The following PMM2 variants were observed in gnomAD, a reference collection of about 807,000 sequenced individuals.
PMM2 encodes the protein mannose-6-phosphate isomerase.
Under a neutral mutation model 33.2 loss-of-function variants are expected in PMM2, and 35 were observed. The observed-to-expected ratio is 1.06, with a 90% CI of 0.81 to 1.40. PMM2 has a LOEUF of 1.40. PMM2 is among the 40% of genes most tolerant of loss of function. The pLI, the probability that PMM2 is intolerant of heterozygous loss-of-function variation, is 0.00. For synonymous variants in PMM2, 153 were observed against 114.7 expected (o/e 1.33, Z -2.13); for missense variants, 386 against 306.0 (o/e 1.26, Z -1.95).
intron 5 of PMM2, 144 bp from the exon 6 acceptor site, chr16:8,811,494 T>C: frequency 1.4e-6 from 1 of 691,244 alleles, no homozygotes; most frequent in Admixed American, 2.1e-5. Context: ...CGCTCCAGCC[T>C]GGGCAACAGA....
chr16:8,843,188 G>A (rs1361488509), intron 7 of PMM2, among the ~76,000 whole-genome samples: 1 of 152,146 alleles, frequency 6.6e-6, no homozygotes, highest in African/African-American at 2.4e-5. Flanking sequence ...ACCCACAACA[G>A]TTATGGAGGC....
At chr16:8,815,216 TTC>T (rs1157419112) in intron 7 of PMM2, among the ~76,000 whole-genome samples, 2 of 128,626 alleles carry the variant, frequency 1.6e-5, no homozygotes, top group East Asian at 5.1e-4. Context: ...TATATTTTCT[TTC>T]TTTTTTTTTT....
intron 2 of PMM2, among the ~76,000 whole-genome samples, chr16:8,804,184 G>A (rs1362242721): frequency 6.0e-5 from 9 of 151,054 alleles, no homozygotes; most frequent in African/African-American, 1.5e-4. Flanking sequence ...GGTTACAGGC[G>A]CACACCACCA....
chr16:8,836,767 G>C (rs1036645505), intron 7 of PMM2, among the ~76,000 whole-genome samples: 2 of 152,036 alleles, frequency 1.3e-5, no homozygotes, highest in Non-Finnish European at 2.9e-5. Flanking sequence ...GTCTAGGGCT[G>C]TAAAGCGTGT....
At chr16:8,842,095 T>C (rs1358400701) in intron 7 of PMM2, 1 of 150,364 alleles carries the variant, frequency 6.7e-6, no homozygotes, top group African/African-American at 2.5e-5. Flanking sequence ...CTGGCTGTTG[T>C]GTAAGAATTC....
rs536671558 is a variant in PMM2, at chr16:8,836,043, T to C, written c.640-11681T>C. ...AACTGAAAAGGAGTGCTTAAAAGAG[T>C]AATGTCTAAATTGGCACCAGAGTTG... is the stretch of plus-strand genomic sequence containing the variant. On this transcript the variant is annotated intron_variant, in intron 7 of 7. Coordinates refer to ENST00000268261, the MANE Select transcript of PMM2 (RefSeq NM_000303.3). Among the ~76,000 whole-genome samples, 561 of 150,494 alleles carry C rather than the reference T, an allele frequency of 3.7e-3. 5 individuals carry two copies. Among genetic ancestry groups the C allele is most frequent in the Middle Eastern group, 0.01 (3 of 292 alleles).
Position 8,807,390 on chromosome 16 carries a change from G to A in PMM2, c.347+983G>A, listed in dbSNP as rs970693417. ...CTACTCCGGCTCCCAGTTCCCTGCC[G>A]GCAGGTGCCACCTGAGCAGCTGCCA... On this transcript the variant is annotated intron_variant, in intron 4 of 7. Transcript: ENST00000268261. 3.7e-4 allele frequency among the ~76,000 whole-genome samples: 57 copies of A among 152,124 alleles called. 1 individual carries two copies. Among genetic ancestry groups the A allele is most frequent in the Admixed American group, 2.9e-3 (45 of 15,264 alleles).
chr16:8,839,852 G>GA (rs1364396479), intron 7 of PMM2, among the ~76,000 whole-genome samples: 1 of 141,158 alleles, frequency 7.1e-6, no homozygotes, highest in Non-Finnish European at 1.5e-5. Context: ...TTTGTGTTGT[G>GA]AGAGGTCCGA....
chr16:8,818,897 A>G (rs1264122672), intron 7 of PMM2, among the ~76,000 whole-genome samples: 1 of 149,750 alleles, frequency 6.7e-6, no homozygotes, highest in African/African-American at 2.6e-5. Context: ...AAGGGCAGAG[A>G]GCACACACCA....
chr16:8,815,941 C>T (rs1174786793), intron 7 of PMM2, among the ~76,000 whole-genome samples: 1 of 151,808 alleles, frequency 6.6e-6, no homozygotes, highest in Admixed American at 6.6e-5. Flanking sequence ...GTATAAGAAA[C>T]TCCAACAACT....
intron 4 of PMM2, chr16:8,808,358 A>C (rs972722492): frequency 6.6e-6 from 1 of 152,076 alleles, no homozygotes; most frequent in Non-Finnish European, 1.5e-5. Flanking sequence ...TGGGCTGAGC[A>C]CTAAGGGAGG....
rs772819174 is a variant in PMM2, at chr16:8,840,925, T to C, written c.640-6799T>C. 1.7e-4 allele frequency among the ~76,000 whole-genome samples: 26 copies of C among 152,112 alleles called. 1 individual carries two copies. The highest frequency in any genetic ancestry group is 1.0e-3 in the South Asian group (5 of 4,818). On this transcript the variant is annotated intron_variant, in intron 7 of 7. Coordinates refer to ENST00000268261, the MANE Select transcript of PMM2 (RefSeq NM_000303.3). ...CTGGCGAATTTCCTGTCTAGCCTGC[T>C]GGAGGACTGGAAGACAGTCGCCTAG...
Position 8,804,788 on chromosome 16 carries a change from T to G in PMM2, c.200T>G (p.Val67Gly), listed in dbSNP as rs751986971. The change falls in exon 3 of 8, where the codon GTG (valine) becomes GGG (glycine). Residue 67 changes from valine to glycine, a missense_variant. Val to Gly is a moderately radical substitution (Grantham distance 109). Coordinates refer to ENST00000268261, the MANE Select transcript of PMM2 (RefSeq NM_000303.3). ...GNDVVEKYDY[V>G]FPENGLVAYK... ...GTAGTGGTTGAAAAATACGATTATG[T>G]GTTTCCAGAAAATGGCTTGGTAGCA... 121 of 1,613,116 alleles carry G rather than the reference T, an allele frequency of 7.5e-5. No individual in the cohort carries two copies. The highest frequency in any genetic ancestry group is 1.0e-4 in the Non-Finnish European group (118 of 1,179,168).
intron 7 of PMM2, among the ~76,000 whole-genome samples, chr16:8,840,155 G>A (rs1014255323): frequency 9.9e-5 from 15 of 151,900 alleles, no homozygotes; most frequent in African/African-American, 3.6e-4. Context: ...GGCTAGGAGA[G>A]AATGGGTAAG....
intron 7 of PMM2, among the ~76,000 whole-genome samples, chr16:8,813,390 A>G (rs987706384): frequency 6.6e-6 from 1 of 152,230 alleles, no homozygotes; most frequent in African/African-American, 2.4e-5. Flanking sequence ...CCAGAATACC[A>G]GTCCCCGGTG....
At chr16:8,832,746 A>C (rs12925234) in intron 7 of PMM2, 526,256 of 984,614 alleles carry the variant, frequency 0.53, 141,776 homozygotes, top group East Asian at 0.65. Context: ...TCAGGCGGCT[A>C]CCCGTGAAAT....
intron 2 of PMM2, among the ~76,000 whole-genome samples, chr16:8,804,031 G>GTTTTTTGTTTTTTTTT (rs778630854): frequency 5.7e-5 from 5 of 87,488 alleles, no homozygotes; most frequent in Admixed American, 1.2e-4. Context: ...GGTTTTTTTT[G>GTTTTTTGTTTTTTTTT]TTTTTTTTTT....
chr16:8,843,865 C>T (rs544351364), intron 7 of PMM2, among the ~76,000 whole-genome samples: 7 of 147,082 alleles, frequency 4.8e-5, no homozygotes, highest in Admixed American at 2.1e-4. Flanking sequence ...CTCGGCCTGG[C>T]GAGGAGGGGA....
chr16:8,804,793 C>G lies in PMM2; in HGVS notation c.205C>G (p.Pro69Ala), dbSNP rs769648248. Residue 69 changes from proline (P) to alanine (A), a missense_variant, in exon 3 of 8, where the codon CCA (proline) becomes GCA (alanine). Pro to Ala is a conservative substitution (Grantham distance 27). Coordinates refer to ENST00000268261, the MANE Select transcript of PMM2 (RefSeq NM_000303.3). ...GGTTGAAAAATACGATTATGTGTTT[C>G]CAGAAAATGGCTTGGTAGCATACAA... ...DVVEKYDYVF[P>A]ENGLVAYKDG... 6.2e-7 allele frequency: 1 copy of G among 1,613,230 alleles called. No homozygotes were observed. Among genetic ancestry groups the G allele is most frequent in the African/African-American group, 1.3e-5 (1 of 74,976 alleles).
Sources: allele counts gnomAD v4.1 joint callset (sites outside exome capture counted in the v4.1 genomes callset), GRCh38; gene constraint gnomAD v4.1.1; transcripts MANE v1.5; gene names NCBI Gene and HGNC (gene_info 2026-07-23, HGNC 2026-07-21).